DNAJC27: variants seen among roughly 807,000 people sequenced by gnomAD.
DNAJC27 encodes dnaJ homolog subfamily C member 27.
Under a neutral mutation model 31.4 loss-of-function variants are expected in DNAJC27, and 25 were observed. The ratio of observed to expected loss-of-function variants is 0.80; its 90% CI spans 0.58 to 1.11. DNAJC27 has a LOEUF of 1.11. Ranked by LOEUF, DNAJC27 falls within the 50% of genes most tolerant of loss-of-function variation. The pLI is 0.00. For missense variants in DNAJC27, 356 were observed against 347.3 expected, an observed-to-expected ratio of 1.02 and a Z score of -0.20; for synonymous variants, 106 against 112.7, an observed-to-expected ratio of 0.94 and a Z score of 0.37.
intron 2 of DNAJC27, among the ~76,000 whole-genome samples, chr2:24,964,247 C>T (rs1414101565): frequency 2.0e-5 from 3 of 151,648 alleles, no homozygotes; most frequent in African/African-American, 2.4e-5. Flanking sequence ...AGTGAAACCC[C>T]GTCCCTACTA....
intron 1 of DNAJC27, among the ~76,000 whole-genome samples, chr2:24,967,502 A>G (rs1399158021): frequency 6.6e-6 from 1 of 152,190 alleles, no homozygotes; most frequent in African/African-American, 2.4e-5. Flanking sequence ...GGAGTTCAAG[A>G]TTAGCCTGGC....
chr2:24,957,496 T>C (rs1343378559), intron 4 of DNAJC27, among the ~76,000 whole-genome samples: 1 of 152,106 alleles, frequency 6.6e-6, no homozygotes, highest in Non-Finnish European at 1.5e-5. Flanking sequence ...CACCTTTCCA[T>C]AGTCCACATC....
At chr2:24,963,511 C>A (rs1342465098) in intron 2 of DNAJC27, 37 bp from the exon 3 acceptor site, 1 of 1,537,852 alleles carries the variant, frequency 6.5e-7, no homozygotes, top group South Asian at 1.1e-5. Flanking sequence ...GAAAGAAAGT[C>A]ATGGTTTCTC....
intron 1 of DNAJC27, 139 bp downstream of exon 1, chr2:24,971,679 C>T: frequency 1.6e-6 from 1 of 641,498 alleles, no homozygotes; most frequent in Non-Finnish European, 2.5e-6. Flanking sequence ...CGCGGAGCCG[C>T]ACCCCTCGGC....
chr2:24,951,496 T>G lies in DNAJC27; in HGVS notation c.587A>C (p.Asn196Thr). ...TTCTTTGGTGAAACTAGCACTGCTA[T>G]TGGTGGTAGGGCGTTTCCCGCCATT... ...CENGGKRPTT[N>T]SSASFTKEQA... Residue 196 changes from asparagine (N) to threonine (T), a missense_variant, in exon 6 of 7, where the codon AAT (asparagine) becomes ACT (threonine). Physicochemically the swap from Asn to Thr is moderately conservative, Grantham distance 65 (BLOSUM62 0). Coordinates refer to ENST00000264711, the MANE Select transcript of DNAJC27 (RefSeq NM_016544.3). 6.2e-7 allele frequency: 1 copy of G among 1,613,804 alleles called. No individual in the cohort carries two copies. Among genetic ancestry groups the G allele is most frequent in the Non-Finnish European group, 8.5e-7 (1 of 1,179,812 alleles).
intron 5 of DNAJC27, among the ~76,000 whole-genome samples, chr2:24,956,317 T>C (rs1665903563): frequency 6.6e-6 from 1 of 152,232 alleles, no homozygotes; most frequent in Middle Eastern, 3.2e-3. Flanking sequence ...GTATCTATAA[T>C]TAAGGGCTGA....
rs557814987 is a variant in DNAJC27 at position 24,958,351 on chromosome 2, A to G, written c.241-377T>C. ...CAAAAGAACTTAAGGCCAAAATGAC[A>G]TAAGTGTCAGCAATGGGTACAGCCA... On this transcript the variant is annotated intron_variant, in intron 3 of 6. Coordinates refer to ENST00000264711, the MANE Select transcript of DNAJC27 (RefSeq NM_016544.3). Among the ~76,000 whole-genome samples, 8 of 152,362 alleles carry G rather than the reference A, an allele frequency of 5.3e-5. No homozygotes were observed. The South Asian group carries it at 6.2e-4, about 12-fold the overall frequency.
At chr2:24,951,616 A>G in intron 5 of DNAJC27, 62 bp from the exon 6 acceptor site, 1 of 1,464,664 alleles carries the variant, frequency 6.8e-7, no homozygotes. Context: ...ATTCCTTTTA[A>G]GCATCAACTT....
At position 24,957,158 on chromosome 2, in the gene DNAJC27, C is replaced by A. The variant is rs1408441338; in HGVS notation, c.413G>T (p.Cys138Phe). 1 of 1,596,336 alleles carries A rather than the reference C, an allele frequency of 6.3e-7. No individual in the cohort carries two copies. Among genetic ancestry groups the A allele is most frequent in the Non-Finnish European group, 8.5e-7 (1 of 1,174,394 alleles). The change falls in exon 5 of 7, where the codon TGT becomes TTT. Residue 138 changes from cysteine to phenylalanine, a missense_variant. Physicochemically the swap from Cys to Phe is radical, Grantham distance 205. Transcript: ENST00000264711. The stretch of plus-strand genomic sequence containing the variant: ...TTCATCTACACAGCGATGTTTGGTA[C>A]AATCAATCTGAAATAGAAGGGGCGG... ...IFVVCANKID[C>F]TKHRCVDESE...
chr2:24,971,874 G>C lies in DNAJC27; in HGVS notation c.31C>G (p.Pro11Ala). ...ACTTTGATGCGGAGAGACCTGCCGG[G>C]CTCCTTCCGCTTCGGCATGTTGGCC... Reference protein sequence around the residue: MEANMPKRKEPGRSLRIKVIS... With the variant: MEANMPKRKEAGRSLRIKVIS... The change falls in exon 1 of 7, where the codon CCC (proline) becomes GCC (alanine). Residue 11 changes from proline to alanine, a missense_variant. By Grantham distance (27) the Pro-to-Ala change is conservative. Coordinates refer to ENST00000264711, the MANE Select transcript of DNAJC27 (RefSeq NM_016544.3). 1 of 1,606,558 alleles carries C rather than the reference G, an allele frequency of 6.2e-7. No individual in the cohort carries two copies. The highest frequency in any genetic ancestry group is 8.5e-7 in the Non-Finnish European group (1 of 1,177,350).
At chr2:24,963,185 T>C (rs988223182) in intron 3 of DNAJC27, 20 of 409,902 alleles carry the variant, frequency 4.9e-5, no homozygotes, top group African/African-American at 1.8e-4. Context: ...ATTGAAATGT[T>C]TGAAATATTG....
chr2:24,949,170 C>T (rs1163573115), intron 6 of DNAJC27, among the ~76,000 whole-genome samples: 1 of 152,144 alleles, frequency 6.6e-6, no homozygotes, highest in East Asian at 1.9e-4. Context: ...TGGTGCCCTG[C>T]GTGTTGTTTT....
At chr2:24,961,874 C>T (rs1666050703) in intron 3 of DNAJC27, among the ~76,000 whole-genome samples, 1 of 152,164 alleles carries the variant, frequency 6.6e-6, no homozygotes, top group Non-Finnish European at 1.5e-5. Flanking sequence ...AAATGACAAG[C>T]AAGAATTTAG....
Position 24,945,133 on chromosome 2 carries a change from C to CA in DNAJC27, c.*2482dup, listed in dbSNP as rs1573104191. 1 of 151,980 alleles carries CA rather than the reference C, an allele frequency of 6.6e-6. No homozygotes were observed. The highest frequency in any genetic ancestry group is 1.5e-5 in the Non-Finnish European group (1 of 68,002). 9.4% of individuals were successfully genotyped at this position (151,980 alleles called of 1,614,324 possible). ...GTGAAATTCTGCATGAAGTTAGTGCCAAAAAAACCTTTCCATTGCAGATCA... is the reference window on the plus strand; with the variant it reads ...GTGAAATTCTGCATGAAGTTAGTGCCAAAAAAAACCTTTCCATTGCAGATCA... On this transcript the variant is annotated 3_prime_UTR_variant, in exon 7 of 7. Coordinates refer to ENST00000264711, the MANE Select transcript of DNAJC27 (RefSeq NM_016544.3).
intron 1 of DNAJC27, among the ~76,000 whole-genome samples, chr2:24,968,010 C>T (rs1375485795): frequency 6.7e-6 from 1 of 150,224 alleles, no homozygotes; most frequent in African/African-American, 2.5e-5. Context: ...CACGATGATG[C>T]CACTGCACTC....
chr2:24,948,592 G>C (rs987043270), intron 6 of DNAJC27, among the ~76,000 whole-genome samples: 2 of 152,170 alleles, frequency 1.3e-5, no homozygotes, highest in Non-Finnish European at 2.9e-5. Flanking sequence ...TATCCAGAGA[G>C]GAAAGGAGCA....
chr2:24,960,199 T>C (rs1300577506), intron 3 of DNAJC27, among the ~76,000 whole-genome samples: 1 of 152,210 alleles, frequency 6.6e-6, no homozygotes, highest in Non-Finnish European at 1.5e-5. Flanking sequence ...CATTATTATG[T>C]CTGTTACGAT....
Position 24,944,075 on chromosome 2 carries a change from TCTTCA to T in DNAJC27, c.*3536_*3540del, listed in dbSNP as rs1401246134. 6.6e-6 allele frequency: 1 copy of T among 152,262 alleles called. No homozygotes were observed. Among genetic ancestry groups the T allele is most frequent in the African/African-American group, 2.4e-5 (1 of 41,468 alleles). The allele number at this position is 152,262 out of a possible 1,614,324, so 9.4% of individuals were successfully genotyped here. A position where few individuals can be genotyped will look rare whatever the true frequency, so the allele number is the denominator to read the frequency against. ...ACCAATTATGAGAAGTACGAACCTC[TCTTCA>T]CTTTGCAAAGCTTGCAATGGAAAGT... On this transcript the variant is annotated 3_prime_UTR_variant, in exon 7 of 7. Transcript: ENST00000264711.
At chr2:24,967,624 C>A (rs1037505190) in intron 1 of DNAJC27, among the ~76,000 whole-genome samples, 6 of 151,530 alleles carry the variant, frequency 4.0e-5, no homozygotes, top group African/African-American at 1.5e-4. Context: ...TGTGTAAACC[C>A]GGGAGGCGGA....
Sources: allele counts gnomAD v4.1 joint callset (sites outside exome capture counted in the v4.1 genomes callset), GRCh38; gene constraint gnomAD v4.1.1; transcripts MANE v1.5; gene names NCBI Gene and HGNC (gene_info 2026-07-23, HGNC 2026-07-21).